PKNOX2: variants seen among roughly 807,000 people sequenced by gnomAD.
The protein encoded by PKNOX2 is PBX/knotted 1 homeobox 2, also known as homeobox protein PKNOX2.
In PKNOX2, 14 loss-of-function variants were observed where a neutral mutation model predicts 53.1. The ratio of observed to expected loss-of-function variants is 0.26; its 90% CI spans 0.17 to 0.41. PKNOX2 has a LOEUF of 0.41. Among genes scored for constraint, PKNOX2 ranks in the 10% least tolerant of loss-of-function variants. The pLI, the probability that PKNOX2 is intolerant of heterozygous loss-of-function variation, is 1.00. For synonymous variants in PKNOX2, 257 were observed against 242.8 expected, an observed-to-expected ratio of 1.06 and a Z score of -0.54; for missense variants, 496 against 602.8, an observed-to-expected ratio of 0.82 and a Z score of 1.85.
At chr11:125,399,988 C>G (rs1037867906) in intron 7 of PKNOX2, among the ~76,000 whole-genome samples, 3 of 152,190 alleles carry the variant, frequency 2.0e-5, no homozygotes, top group African/African-American at 7.2e-5. Flanking sequence ...AAAAATCAGT[C>G]CCCCTGGAGA....
intron 5 of PKNOX2, among the ~76,000 whole-genome samples, chr11:125,375,923 C>T (rs574840703): frequency 3.3e-5 from 5 of 152,284 alleles, no homozygotes; most frequent in South Asian, 2.1e-4. Flanking sequence ...TGGGGTCTGT[C>T]GCACTTCTCT....
intron 1 of PKNOX2, among the ~76,000 whole-genome samples, chr11:125,217,559 G>A (rs1038645178): frequency 2.6e-5 from 4 of 152,196 alleles, no homozygotes; most frequent in Non-Finnish European, 5.9e-5. Context: ...GCCACCTAGC[G>A]CAGGCGGGCA....
chr11:125,362,760 T>C (rs1357402611), intron 4 of PKNOX2, among the ~76,000 whole-genome samples: 5 of 152,214 alleles, frequency 3.3e-5, no homozygotes, highest in Non-Finnish European at 7.3e-5. Flanking sequence ...AAGAAGCATC[T>C]GTGGGGGCTT....
intron 5 of PKNOX2, among the ~76,000 whole-genome samples, chr11:125,382,558 T>C (rs752881933): frequency 6.6e-6 from 1 of 152,152 alleles, no homozygotes; most frequent in African/African-American, 2.4e-5. Flanking sequence ...CAGGCATCTG[T>C]TGAGAGTAGG....
intron 2 of PKNOX2, among the ~76,000 whole-genome samples, chr11:125,328,812 C>T (rs1949986443): frequency 6.6e-6 from 1 of 152,198 alleles, no homozygotes; most frequent in Non-Finnish European, 1.5e-5. Flanking sequence ...TTTTCTTAGG[C>T]AAGCCCTGTG....
chr11:125,326,327 C>T (rs968206255), intron 2 of PKNOX2, among the ~76,000 whole-genome samples: 2 of 152,104 alleles, frequency 1.3e-5, no homozygotes, highest in South Asian at 2.1e-4. Context: ...GAAAGGGAAG[C>T]GTGGCAGGTG....
intron 2 of PKNOX2, among the ~76,000 whole-genome samples, chr11:125,304,823 G>A (rs560796406): frequency 1.8e-4 from 28 of 152,266 alleles, no homozygotes; most frequent in African/African-American, 6.7e-4. Flanking sequence ...ACTGTCCTGG[G>A]TATTAGAGAT....
chr11:125,333,197 C>T (rs546418309), intron 3 of PKNOX2, among the ~76,000 whole-genome samples: 1 of 152,306 alleles, frequency 6.6e-6, no homozygotes, highest in South Asian at 2.1e-4. Flanking sequence ...GACAAGGGTT[C>T]TACACCTGGT....
chr11:125,327,786 C>G (rs1178945956), intron 2 of PKNOX2, among the ~76,000 whole-genome samples: 1 of 152,190 alleles, frequency 6.6e-6, no homozygotes, highest in Admixed American at 6.5e-5. Flanking sequence ...TTTCTGTAGG[C>G]TGTTGGGAAA....
chr11:125,184,785 A>G (rs1956352048), intron 1 of PKNOX2, among the ~76,000 whole-genome samples: 1 of 152,184 alleles, frequency 6.6e-6, no homozygotes, highest in Non-Finnish European at 1.5e-5. Context: ...CTGTCTCCCA[A>G]GAAGACCTAG....
intron 2 of PKNOX2, among the ~76,000 whole-genome samples, chr11:125,317,960 A>G (rs780986786): frequency 6.6e-6 from 1 of 152,224 alleles, no homozygotes; most frequent in South Asian, 2.1e-4. Flanking sequence ...TGTAGCCTTC[A>G]TCAGTGATCT....
chr11:125,406,873 T>C (rs1955134709), intron 7 of PKNOX2, among the ~76,000 whole-genome samples: 1 of 130,922 alleles, frequency 7.6e-6, no homozygotes, highest in Admixed American at 1.0e-4. Context: ...GATTGCTAGA[T>C]GATGGGTGAG....
intron 10 of PKNOX2, among the ~76,000 whole-genome samples, chr11:125,421,040 T>C (rs934736908): frequency 2.6e-5 from 4 of 151,976 alleles, no homozygotes; most frequent in African/African-American, 9.7e-5. Context: ...ATAACTTCTG[T>C]CTATGAAAAA....
chr11:125,376,367 G>GC (rs1952840010), intron 5 of PKNOX2, among the ~76,000 whole-genome samples: 2 of 152,288 alleles, frequency 1.3e-5, no homozygotes, highest in South Asian at 4.2e-4. Context: ...CCAACCAGGG[G>GC]CCGCTGGCTC....
chr11:125,207,174 T>C (rs1939223820), intron 1 of PKNOX2, among the ~76,000 whole-genome samples: 1 of 152,050 alleles, frequency 6.6e-6, no homozygotes, highest in Non-Finnish European at 1.5e-5. Flanking sequence ...ATAGGTCTTC[T>C]GGAAGATAGA....
At chr11:125,278,066 A>G (rs1451903610) in intron 2 of PKNOX2, among the ~76,000 whole-genome samples, 1 of 152,160 alleles carries the variant, frequency 6.6e-6, no homozygotes, top group East Asian at 1.9e-4. Flanking sequence ...AAATACAAAA[A>G]AAATTAGCCA....
chr11:125,431,624 C>A lies in PKNOX2; in HGVS notation c.*232C>A. 1 of 549,576 alleles carries A rather than the reference C, an allele frequency of 1.8e-6. No homozygotes were observed. The highest frequency in any genetic ancestry group is 3.2e-6 in the Non-Finnish European group (1 of 308,332). 34.0% of individuals were successfully genotyped at this position (549,576 alleles called of 1,614,324 possible). On this transcript the variant is annotated 3_prime_UTR_variant, in exon 13 of 13. Coordinates refer to ENST00000298282, the MANE Select transcript of PKNOX2 (RefSeq NM_001382323.2). ...TGGAACTGCCGAGGACTCTGTTTGG[C>A]GGGGCCAGTCGAGCAGCCTGTGTGG... is the stretch of plus-strand genomic sequence containing the variant.
chr11:125,209,433 C>T (rs1053675851), intron 1 of PKNOX2, among the ~76,000 whole-genome samples: 1 of 151,870 alleles, frequency 6.6e-6, no homozygotes, highest in Non-Finnish European at 1.5e-5. Context: ...AATTGATGGG[C>T]ATCACTATGG....
At chr11:125,176,786 G>T (rs556415402) in intron 1 of PKNOX2, among the ~76,000 whole-genome samples, 1 of 152,258 alleles carries the variant, frequency 6.6e-6, no homozygotes, top group South Asian at 2.1e-4. Context: ...GAAGACAGCT[G>T]GGCACCAGGA....
Sources: allele counts gnomAD v4.1 joint callset (sites outside exome capture counted in the v4.1 genomes callset), GRCh38; gene constraint gnomAD v4.1.1; transcripts MANE v1.5; gene names NCBI Gene and HGNC (gene_info 2026-07-23, HGNC 2026-07-21).